LRRC49: variants seen among roughly 807,000 people sequenced by gnomAD.
The protein encoded by LRRC49 is leucine rich repeat containing 49.
LRRC49 carries 50 observed loss-of-function variants against 83.3 expected under a neutral mutation model. That is an observed-to-expected ratio of 0.60 (90% CI 0.48 to 0.76). The LOEUF (loss-of-function observed/expected upper bound fraction) is 0.76. Among genes scored for constraint, LRRC49 ranks in the 30% least tolerant of loss-of-function variants. LRRC49 has a pLI of 0.00. For synonymous variants in LRRC49, 286 were observed against 283.3 expected (o/e 1.01, Z -0.10); for missense variants, 704 against 809.1 (o/e 0.87, Z 1.58).
At chr15:71,038,770 G>C (rs889619840) in intron 15 of LRRC49, among the ~76,000 whole-genome samples, 5 of 152,070 alleles carry the variant, frequency 3.3e-5, no homozygotes, top group African/African-American at 7.2e-5. Flanking sequence ...ATAGTAAAAA[G>C]AACAAGTCTG....
intron 9 of LRRC49, among the ~76,000 whole-genome samples, chr15:70,969,702 T>A (rs2036922976): frequency 6.6e-6 from 1 of 152,168 alleles, no homozygotes; most frequent in South Asian, 2.1e-4. Context: ...TTCACATCCC[T>A]TGTAAGTTGT....
At chr15:71,048,396 A>G (rs1312865497) in intron 15 of LRRC49, among the ~76,000 whole-genome samples, 2 of 152,154 alleles carry the variant, frequency 1.3e-5, no homozygotes, top group Non-Finnish European at 2.9e-5. Context: ...TGCCTGGCTT[A>G]TGATATTTTA....
chr15:71,039,609 A>G (rs1346374021), intron 15 of LRRC49, among the ~76,000 whole-genome samples: 1 of 152,206 alleles, frequency 6.6e-6, no homozygotes, highest in Non-Finnish European at 1.5e-5. Context: ...CCATGTAAAT[A>G]GTTGTTATAC....
intron 1 of LRRC49, chr15:70,860,222 A>T: frequency 1.0e-5 from 6 of 583,590 alleles, no homozygotes; most frequent in Non-Finnish European, 1.8e-5. Context: ...GCCCTGGAGG[A>T]GGCCGCTGTG....
chr15:71,023,436 T>C (rs2039055479), intron 14 of LRRC49, among the ~76,000 whole-genome samples: 1 of 152,098 alleles, frequency 6.6e-6, no homozygotes, highest in African/African-American at 2.4e-5. Flanking sequence ...CAACTAGTAG[T>C]AGCTGTGGTT....
intron 8 of LRRC49, among the ~76,000 whole-genome samples, chr15:70,939,528 G>A (rs2141162287): frequency 6.6e-6 from 1 of 152,240 alleles, no homozygotes; most frequent in South Asian, 2.1e-4. Flanking sequence ...TTGTCAGTAA[G>A]GATCTTGCCC....
chr15:70,972,179 G>C (rs892207245), intron 9 of LRRC49, among the ~76,000 whole-genome samples: 4 of 152,094 alleles, frequency 2.6e-5, no homozygotes, highest in Non-Finnish European at 5.9e-5. Flanking sequence ...GGCAGGCCTG[G>C]TGGTGACAAA....
At chr15:70,979,461 T>C (rs1482634735) in intron 9 of LRRC49, among the ~76,000 whole-genome samples, 1 of 152,068 alleles carries the variant, frequency 6.6e-6, no homozygotes. Flanking sequence ...TATCTTTTTT[T>C]TTTTGTAGTT....
chr15:70,962,030 G>A (rs1007169203), intron 8 of LRRC49, among the ~76,000 whole-genome samples: 2 of 152,192 alleles, frequency 1.3e-5, no homozygotes, highest in Non-Finnish European at 2.9e-5. Flanking sequence ...CTTCGGAAAT[G>A]AGCCTGTAAG....
intron 5 of LRRC49, chr15:70,907,697 C>T: frequency 3.9e-6 from 1 of 258,206 alleles, no homozygotes; most frequent in South Asian, 4.3e-5. Context: ...GTAGTGAGGT[C>T]TTTATCCTGG....
intron 11 of LRRC49, among the ~76,000 whole-genome samples, chr15:71,003,596 C>T (rs1014704494): frequency 1.3e-5 from 2 of 152,126 alleles, no homozygotes; most frequent in African/African-American, 4.8e-5. Context: ...TCTTGAATGT[C>T]TGATAAATCT....
In LRRC49 at chr15:70,893,860, G is replaced by GT. The variant is rs200026621; in HGVS notation, c.105+227dup. On this transcript the variant is annotated intron_variant, in intron 2 of 15. Transcript: ENST00000260382. ...TTTTATTGATTACAAAAGGGTAAGG[G>GT]TTTTTTTGTTTTTTTTTTTTGACAT... Among the ~76,000 whole-genome samples, 494 of 148,226 alleles carry GT rather than the reference G, an allele frequency of 3.3e-3. 4 individuals carry two copies. Among genetic ancestry groups the GT allele is most frequent in the African/African-American group, 0.012 (477 of 39,562 alleles).
intron 6 of LRRC49, among the ~76,000 whole-genome samples, chr15:70,917,333 C>A (rs1180974849): frequency 6.6e-6 from 1 of 152,168 alleles, no homozygotes; most frequent in Non-Finnish European, 1.5e-5. Context: ...CTTGTGGTAC[C>A]TTTTCTGGGC....
chr15:70,900,179 T>C (rs1354938634), intron 3 of LRRC49: 1 of 217,338 alleles, frequency 4.6e-6, no homozygotes, highest in Non-Finnish European at 9.3e-6. Flanking sequence ...GAATTTCATA[T>C]GTGTATTTAT....
intron 1 of LRRC49, among the ~76,000 whole-genome samples, chr15:70,863,596 A>G (rs1023401081): frequency 6.6e-6 from 1 of 152,318 alleles, no homozygotes. Context: ...CTCCCAGAAG[A>G]ATAGTCATCC....
intron 10 of LRRC49, among the ~76,000 whole-genome samples, chr15:70,982,992 C>A (rs530477670): frequency 4.6e-5 from 7 of 152,298 alleles, no homozygotes; most frequent in African/African-American, 1.7e-4. Context: ...TACTAGCCTT[C>A]TGTGGCTTCA....
intron 14 of LRRC49, among the ~76,000 whole-genome samples, chr15:71,036,338 T>C (rs2039518339): frequency 6.6e-6 from 1 of 152,162 alleles, no homozygotes; most frequent in Admixed American, 6.5e-5. Flanking sequence ...TTATGGGTGG[T>C]TTTTATCCAT....
chr15:71,010,823 C>A (rs1196667543), intron 13 of LRRC49, among the ~76,000 whole-genome samples: 3 of 152,090 alleles, frequency 2.0e-5, no homozygotes, highest in South Asian at 4.1e-4. Flanking sequence ...AAAAAAACAT[C>A]TTTAATATGT....
chr15:70,906,374 C>T (rs906453522), intron 5 of LRRC49, among the ~76,000 whole-genome samples: 2 of 152,136 alleles, frequency 1.3e-5, no homozygotes, highest in South Asian at 2.1e-4. Flanking sequence ...GGATTACAGG[C>T]GTGAGCCACC....
Sources: gnomAD v4.1 joint callset for allele counts (sites outside exome capture counted in the v4.1 genomes callset) on GRCh38, gnomAD v4.1.1 for gene constraint, MANE v1.5 for transcripts, NCBI Gene and HGNC (gene_info 2026-07-23, HGNC 2026-07-21) for gene names.